Variants in BAZ2A observed in about 807,000 individuals in gnomAD.
The protein encoded by BAZ2A is bromodomain adjacent to zinc finger domain protein 2A.
Under a neutral mutation model 199.9 loss-of-function variants are expected in BAZ2A, and 34 were observed. The observed-to-expected ratio is 0.17, with a 90% CI of 0.13 to 0.23. BAZ2A has a LOEUF of 0.23. Among genes scored for constraint, BAZ2A ranks in the 10% least tolerant of loss-of-function variants. The probability of loss-of-function intolerance (pLI) is 1.00; values close to 1 mark genes in which losing one functional copy is unlikely to be tolerated. For missense variants in BAZ2A, 2,002 were observed against 2,391.1 expected (o/e 0.84, Z 3.39); for synonymous variants, 857 against 883.9 (o/e 0.97, Z 0.54).
rs995992622 is a variant in BAZ2A, at chr12:56,614,929, A to G, written c.730+85T>C. On this transcript the variant is annotated intron_variant, in intron 3 of 28. Transcript: ENST00000549884. ...GCCTCCACTGCAGAGAGCTGGAAAG[A>G]CAAGTTTTTCTCACCTCAAAAAGCC... is the stretch of plus-strand genomic sequence containing the variant. 9 of 1,368,018 alleles carry G rather than the reference A, an allele frequency of 6.6e-6. No homozygotes were observed. The African/African-American group carries it at 1.3e-4, about 20-fold the overall frequency. 84.7% of individuals were successfully genotyped at this position (1,368,018 alleles called of 1,614,324 possible).
chr12:56,614,135 A>G lies in BAZ2A; in HGVS notation c.734T>C (p.Leu245Pro). The G allele has an allele frequency of 6.2e-7, 1 of 1,613,312 alleles. No homozygotes were observed. Among genetic ancestry groups the G allele is most frequent in the Non-Finnish European group, 8.5e-7 (1 of 1,179,288 alleles). The change falls in exon 4 of 29, where the codon CTG becomes CCG. Residue 245 changes from leucine to proline, a missense_variant. Around this residue, in one of 6 missense-constraint regions of BAZ2A, gnomAD observed 641 missense variants for 694.5 expected, o/e 0.92. Coordinates refer to ENST00000549884, the MANE Select transcript of BAZ2A (RefSeq NM_001300905.2). Reference sequence around the variant, plus strand: ...AGAGCCATTGTAGCCACACATCTTCAGTTCTAGGAAATCACAGGAGAGACC... The same window carrying G: ...AGAGCCATTGTAGCCACACATCTTCGGTTCTAGGAAATCACAGGAGAGACC... ...SLELEEEQPE[L>P]KMCGYNGSVP...
intron 1 of BAZ2A, among the ~76,000 whole-genome samples, chr12:56,619,522 A>AAAG (rs1555210952): frequency 1.3e-5 from 2 of 151,498 alleles, no homozygotes; most frequent in Non-Finnish European, 2.9e-5. Flanking sequence ...AAAAAAAAAA[A>AAAG]AAAAGAAAAG....
intron 1 of BAZ2A, among the ~76,000 whole-genome samples, chr12:56,628,389 C>T (rs937802480): frequency 6.6e-6 from 1 of 151,790 alleles, no homozygotes; most frequent in Admixed American, 6.6e-5. Flanking sequence ...AAAATCTGGG[C>T]ACGACTTTGC....
At chr12:56,636,171 C>T in intron 1 of BAZ2A, 1 of 1,592,942 alleles carries the variant, frequency 6.3e-7, no homozygotes, top group Non-Finnish European at 8.5e-7. Flanking sequence ...GGGGCTGGTC[C>T]CCATACTCAC....
At chr12:56,622,802 C>G (rs1291135268) in intron 1 of BAZ2A, among the ~76,000 whole-genome samples, 1 of 152,160 alleles carries the variant, frequency 6.6e-6, no homozygotes, top group East Asian at 1.9e-4. Flanking sequence ...TTAAGAGCTC[C>G]TATGTTTCAT....
rs1043795297 is a variant in BAZ2A at position 56,630,295 on chromosome 12, A to C, written c.-173T>G. 2 of 984,798 alleles carry C rather than the reference A, an allele frequency of 2.0e-6. No homozygotes were observed. The highest frequency in any genetic ancestry group is 6.1e-5 in the Admixed American group (1 of 16,276). The allele number at this position is 984,798 out of a possible 1,614,324, so 61.0% of individuals were successfully genotyped here. A position where few individuals can be genotyped will look rare whatever the true frequency, so the allele number is the denominator to read the frequency against. On this transcript the variant is annotated 5_prime_UTR_variant, in exon 1 of 29. Coordinates refer to ENST00000549884, the MANE Select transcript of BAZ2A (RefSeq NM_001300905.2). ...GGACGCGGCTCAACCGCGGGGCCCG[A>C]GAGGAGCCAACATGGCCGGCGGGGG...
chr12:56,616,521 G>A (rs555292723), intron 2 of BAZ2A, among the ~76,000 whole-genome samples: 11 of 152,274 alleles, frequency 7.2e-5, no homozygotes, highest in East Asian at 3.9e-4. Context: ...GCCAGCTGGC[G>A]GGGTAGGGGG....
At chr12:56,617,298 T>A in intron 2 of BAZ2A, 97 bp downstream of exon 2, 1 of 1,268,996 alleles carries the variant, frequency 7.9e-7, no homozygotes, top group Non-Finnish European at 1.0e-6. Flanking sequence ...AGTTGATTTC[T>A]CTCCAGCAGC....
Position 56,599,025 on chromosome 12 carries a change from G to A in BAZ2A, c.5403-14C>T, listed in dbSNP as rs143916462. ...ATCAGGATAATCCTATCATTAGAGG[G>A]ACAATGATGGCTCCATCTCAGGAAG... On this transcript the variant is annotated splice_polypyrimidine_tract_variant and intron_variant, in intron 27 of 28. Coordinates refer to ENST00000549884, the MANE Select transcript of BAZ2A (RefSeq NM_001300905.2). 1 of 1,609,646 alleles carries A rather than the reference G, an allele frequency of 6.2e-7. No homozygotes were observed. Among genetic ancestry groups the A allele is most frequent in the African/African-American group, 1.3e-5 (1 of 74,820 alleles).
chr12:56,597,562 GCACACACACA>G lies in BAZ2A; in HGVS notation c.*1046_*1055del, dbSNP rs56185332. ...TCAAACAATACAGGGTCACAAGCAC[GCACACACACA>G]CACACACACAGCGCGCGCTCTGAGG... On this transcript the variant is annotated 3_prime_UTR_variant, in exon 29 of 29. Transcript: ENST00000549884. 9 of 138,618 alleles carry G rather than the reference GCACACACACA, an allele frequency of 6.5e-5. No homozygotes were observed. The highest frequency in any genetic ancestry group is 5.7e-4 in the Admixed American group (8 of 14,108). The allele number at this position is 138,618 out of a possible 1,614,324, so 8.6% of individuals were successfully genotyped here.
In BAZ2A at chr12:56,601,241, C is replaced by A; in HGVS notation, c.4233G>T (p.Lys1411Asn). The change falls in exon 21 of 29, where the codon AAG becomes AAT. Residue 1411 changes from lysine to asparagine, a missense_variant. By Grantham distance (94) the Lys-to-Asn change is moderately conservative (BLOSUM62 0). Transcript: ENST00000549884. The part of the protein sequence containing the change: ...QPKRRGRPPS[K>N]FFKQMEQRYL... ...AACGCTGTTCCATCTGTTTGAAGAACTTACTGGGAGGTCTCCCTCTCCGTT... is the reference window on the plus strand; with the variant it reads ...AACGCTGTTCCATCTGTTTGAAGAAATTACTGGGAGGTCTCCCTCTCCGTT... 1 of 1,614,046 alleles carries A rather than the reference C, an allele frequency of 6.2e-7. No homozygotes were observed.
rs1950616713 is a variant in BAZ2A at position 56,613,215 on chromosome 12, A to G, written c.935T>C (p.Leu312Pro). 3.1e-6 allele frequency: 5 copies of G among 1,614,044 alleles called. No individual in the cohort carries two copies. Among genetic ancestry groups the G allele is most frequent in the Non-Finnish European group, 4.2e-6 (5 of 1,179,896 alleles). ...SLAPEPVSGGLYGIDDTELMG... is the reference protein window; with the variant it reads ...SLAPEPVSGGPYGIDDTELMG... The stretch of plus-strand genomic sequence containing the variant: ...CAGCTCCGTGTCATCAATACCATAT[A>G]GTCCTCCACTCACTGGCTCTGTTTA... The change falls in exon 5 of 29, where the codon CTA (leucine) becomes CCA (proline). Residue 312 changes from leucine (L) to proline (P), a missense_variant. This residue lies in a region of BAZ2A where 641 missense variants were observed against 694.5 expected (regional missense o/e 0.92). Coordinates refer to ENST00000549884, the MANE Select transcript of BAZ2A (RefSeq NM_001300905.2).
chr12:56,602,339 TG>T, intron 19 of BAZ2A, 147 bp from the exon 20 acceptor site: 1 of 726,342 alleles, frequency 1.4e-6, no homozygotes, highest in Non-Finnish European at 2.2e-6. Context: ...TATATGCCAA[TG>T]AACACAGTAT....
At chr12:56,621,769 GC>G (rs1336297539) in intron 1 of BAZ2A, among the ~76,000 whole-genome samples, 1 of 151,606 alleles carries the variant, frequency 6.6e-6, no homozygotes, top group African/African-American at 2.4e-5. Context: ...GCTCACTGCA[GC>G]CTGGAACTCC....
upstream of BAZ2A, among the ~76,000 whole-genome samples, chr12:56,633,546 G>A (rs1249215595): frequency 6.6e-6 from 1 of 152,138 alleles, no homozygotes; most frequent in Non-Finnish European, 1.5e-5. Flanking sequence ...CTCACTGGCT[G>A]AATGGATCAT....
At position 56,613,984 on chromosome 12, in the gene BAZ2A, G is replaced by A. The variant is rs1161550345; in HGVS notation, c.885C>T (p.Asp295=). Residue 295 remains aspartate (D), a synonymous_variant, in exon 4 of 29, where the codon GAC becomes GAT. Coordinates refer to ENST00000549884, the MANE Select transcript of BAZ2A (RefSeq NM_001300905.2). ...QLEDTPILSE[D]SLEPFNSLAP... ...CCAGAGAGTTGAAGGGCTCCAGAGA[G>A]TCTTCACTGAGGATTGGAGTGTCTT... The A allele has an allele frequency of 2.5e-6, 4 of 1,613,880 alleles. No homozygotes were observed. The highest frequency in any genetic ancestry group is 1.1e-5 in the South Asian group (1 of 91,086).
upstream of BAZ2A, chr12:56,638,292 G>GGA (rs1419768495): frequency 1.3e-6 from 2 of 1,581,764 alleles, no homozygotes; most frequent in Admixed American, 3.4e-5. Context: ...TTAGGGGCAA[G>GGA]GAGAGAGACA....
chr12:56,602,250 G>C, intron 19 of BAZ2A, 58 bp from the exon 20 acceptor site: 1 of 1,416,260 alleles, frequency 7.1e-7, no homozygotes, highest in Non-Finnish European at 9.6e-7. Flanking sequence ...AAAGTAAGAG[G>C]GTATATAAAC....
chr12:56,604,444 GCAATT>G, intron 15 of BAZ2A, 136 bp downstream of exon 15: 2 of 1,308,290 alleles, frequency 1.5e-6, no homozygotes, highest in Middle Eastern at 2.3e-4. Context: ...GGAGGGCACT[GCAATT>G]CAGTCCCAAG....
Sources: allele counts gnomAD v4.1 joint callset (sites outside exome capture counted in the v4.1 genomes callset), GRCh38; gene constraint gnomAD v4.1.1; regional missense constraint gnomAD v4.1.1; transcripts MANE v1.5; gene names NCBI Gene and HGNC (gene_info 2026-07-23, HGNC 2026-07-21).